INPP4B: variants seen among roughly 807,000 people sequenced by gnomAD.
INPP4B encodes the protein inositol polyphosphate-4-phosphatase type II B.
In INPP4B, 55 loss-of-function variants were observed where a neutral mutation model predicts 122.5. The observed-to-expected ratio is 0.45, with a 90% CI of 0.36 to 0.56. The LOEUF (loss-of-function observed/expected upper bound fraction) is 0.56, where lower values mean the gene tolerates loss of function less well. Ranked by LOEUF, INPP4B falls within the 20% of genes least tolerant of loss-of-function variation. INPP4B has a pLI of 0.00. For missense variants in INPP4B, 1,000 were observed against 1,097.7 expected (o/e 0.91, Z 1.26); for synonymous variants, 403 against 388.7 (o/e 1.04, Z -0.43).
intron 1 of INPP4B, among the ~76,000 whole-genome samples, chr4:142,746,493 G>T (rs1375959474): frequency 6.6e-6 from 1 of 152,064 alleles, no homozygotes; most frequent in Non-Finnish European, 1.5e-5. Flanking sequence ...AGCTACCAAT[G>T]ACTTTCTTCA....
intron 11 of INPP4B, among the ~76,000 whole-genome samples, chr4:142,255,323 C>T (rs1035456526): frequency 2.6e-5 from 4 of 151,556 alleles, no homozygotes; most frequent in African/African-American, 7.3e-5. Context: ...CAGCTAATAT[C>T]ATAATGACAG....
chr4:142,517,684 C>G (rs1442163240), intron 2 of INPP4B, among the ~76,000 whole-genome samples: 4 of 152,152 alleles, frequency 2.6e-5, no homozygotes, highest in African/African-American at 4.8e-5. Context: ...ACTTTAGCAG[C>G]CCACCTAGTG....
intron 5 of INPP4B, among the ~76,000 whole-genome samples, chr4:142,411,714 C>A (rs1189741842): frequency 6.6e-6 from 1 of 152,042 alleles, no homozygotes; most frequent in East Asian, 1.9e-4. Context: ...CAACATCGCA[C>A]AACTCCATCT....
intron 3 of INPP4B, among the ~76,000 whole-genome samples, chr4:142,449,812 A>G (rs1347189949): frequency 2.0e-5 from 3 of 152,200 alleles, no homozygotes; most frequent in African/African-American, 7.2e-5. Flanking sequence ...CTCATAAATC[A>G]AAAGAGATGA....
chr4:142,561,149 A>T (rs943488307), intron 2 of INPP4B, among the ~76,000 whole-genome samples: 3 of 152,226 alleles, frequency 2.0e-5, no homozygotes, highest in African/African-American at 4.8e-5. Flanking sequence ...TCTGCAAAAG[A>T]TCATAATTTA....
intron 7 of INPP4B, among the ~76,000 whole-genome samples, chr4:142,387,368 C>T (rs999069165): frequency 6.6e-6 from 1 of 150,998 alleles, no homozygotes; most frequent in Non-Finnish European, 1.5e-5. Flanking sequence ...TTCTTTCTGG[C>T]GTATACATTA....
chr4:142,487,199 G>T (rs183627079), intron 2 of INPP4B, among the ~76,000 whole-genome samples: 75 of 152,154 alleles, frequency 4.9e-4, no homozygotes, highest in African/African-American at 1.7e-3. Flanking sequence ...GCTCCTCCTT[G>T]CTTTCTAACA....
chr4:142,459,289 GA>G (rs201442354), intron 3 of INPP4B, among the ~76,000 whole-genome samples: 26,530 of 96,952 alleles, frequency 0.27, 2,564 homozygotes, highest in East Asian at 0.46. Flanking sequence ...ACAAACAAAT[GA>G]AAAAAAAAAA....
At chr4:142,760,663 T>G (rs1358774125) in intron 1 of INPP4B, among the ~76,000 whole-genome samples, 1 of 152,188 alleles carries the variant, frequency 6.6e-6, no homozygotes, top group Non-Finnish European at 1.5e-5. Flanking sequence ...CTGATCATTT[T>G]AATGATTCTA....
chr4:142,293,254 G>A (rs1303991905), intron 9 of INPP4B, among the ~76,000 whole-genome samples: 1 of 151,934 alleles, frequency 6.6e-6, no homozygotes, highest in Non-Finnish European at 1.5e-5. Flanking sequence ...TGGCCAGGCT[G>A]GTCTCAAACT....
chr4:142,406,623 A>G (rs881611), intron 5 of INPP4B, among the ~76,000 whole-genome samples: 46,910 of 152,082 alleles, frequency 0.31, 8,033 homozygotes, highest in South Asian at 0.46. Flanking sequence ...TTAACTTCTT[A>G]CCAGACTTTC....
At chr4:142,546,635 G>A (rs1278329463) in intron 2 of INPP4B, among the ~76,000 whole-genome samples, 4 of 152,158 alleles carry the variant, frequency 2.6e-5, no homozygotes, top group African/African-American at 4.8e-5. Context: ...TAGTGAAAGT[G>A]CCAGTGCTTA....
chr4:142,711,893 CA>C (rs1257542000), intron 2 of INPP4B, among the ~76,000 whole-genome samples: 1 of 152,006 alleles, frequency 6.6e-6, no homozygotes, highest in Non-Finnish European at 1.5e-5. Flanking sequence ...ACTAAAAAGT[CA>C]AAAATTAGCC....
At chr4:142,776,901 T>C (rs1212856226) in intron 1 of INPP4B, among the ~76,000 whole-genome samples, 1 of 152,102 alleles carries the variant, frequency 6.6e-6, no homozygotes, top group Non-Finnish European at 1.5e-5. Context: ...TGGCCTGAAT[T>C]TGAAAATGAT....
chr4:142,367,188 A>ATGTGTGTGTGTGTGTGTG lies in INPP4B; in HGVS notation c.372+35732_372+35749dup, dbSNP rs5862590. 1.4e-4 allele frequency among the ~76,000 whole-genome samples: 18 copies of ATGTGTGTGTGTGTGTGTG among 132,818 alleles called. No individual in the cohort carries two copies. In the East Asian group the frequency reaches 3.7e-3, roughly 27 times the overall value. The allele number at this position is 132,818 out of a possible 152,430, so 87.1% of individuals were successfully genotyped here. A position where few individuals can be genotyped will look rare whatever the true frequency, so the allele number is the denominator to read the frequency against. On this transcript the variant is annotated intron_variant, in intron 7 of 25. Transcript: ENST00000262992. ...AATAGTGTGTATGTATACATGTAAT[A>ATGTGTGTGTGTGTGTGTG]TGTGTGTGTGTGTGTGTGTGTGTGT...
At chr4:142,446,802 G>A (rs540148393) in intron 3 of INPP4B, among the ~76,000 whole-genome samples, 37 of 152,254 alleles carry the variant, frequency 2.4e-4, no homozygotes, top group Non-Finnish European at 4.0e-4. Flanking sequence ...ATTAAACACT[G>A]TAAAACAATA....
At chr4:142,313,209 C>T (rs557392401) in intron 8 of INPP4B, among the ~76,000 whole-genome samples, 12 of 152,228 alleles carry the variant, frequency 7.9e-5, no homozygotes, top group South Asian at 2.1e-4. Context: ...GAAATCTACA[C>T]GACTGGGCCA....
intron 7 of INPP4B, among the ~76,000 whole-genome samples, chr4:142,360,654 C>A (rs781177618): frequency 2.4e-4 from 36 of 151,926 alleles, no homozygotes; most frequent in Admixed American, 9.9e-4. Flanking sequence ...TCTGCAAATC[C>A]CACAGGATCC....
At chr4:142,256,472 A>G (rs1382627251) in intron 11 of INPP4B, among the ~76,000 whole-genome samples, 3 of 152,176 alleles carry the variant, frequency 2.0e-5, no homozygotes, top group Admixed American at 6.5e-5. Context: ...ACTAATAAAG[A>G]AAAAAAGAGA....
Sources: allele counts gnomAD v4.1 joint callset (sites outside exome capture counted in the v4.1 genomes callset), GRCh38; gene constraint gnomAD v4.1.1; transcripts MANE v1.5; gene names NCBI Gene and HGNC (gene_info 2026-07-23, HGNC 2026-07-21).